YTHDC2: variants seen among roughly 807,000 people sequenced by gnomAD.
YTHDC2 encodes 3'-5' RNA helicase YTHDC2.
In YTHDC2, 45 loss-of-function variants were observed where a neutral mutation model predicts 174.9. The ratio of observed to expected loss-of-function variants is 0.26; its 90% CI spans 0.20 to 0.33. YTHDC2 has a LOEUF of 0.33. Among genes scored for constraint, YTHDC2 ranks in the 10% least tolerant of loss-of-function variants. The pLI is 1.00. For missense variants in YTHDC2, 1,650 were observed against 1,723.7 expected (o/e 0.96, Z 0.76); for synonymous variants, 657 against 574.5 (o/e 1.14, Z -2.05).
intron 2 of YTHDC2, among the ~76,000 whole-genome samples, chr5:113,518,790 T>A (rs953485053): frequency 6.6e-6 from 1 of 152,190 alleles, no homozygotes; most frequent in Non-Finnish European, 1.5e-5. Context: ...TTCTGGTCAA[T>A]TTTTTCTTTT....
At chr5:113,531,544 A>T (rs900525939) in intron 4 of YTHDC2, among the ~76,000 whole-genome samples, 5 of 152,056 alleles carry the variant, frequency 3.3e-5, no homozygotes, top group African/African-American at 1.2e-4. Flanking sequence ...CTCTGTGTCT[A>T]CGAGCTCAGC....
Position 113,565,810 on chromosome 5 carries a change from T to A in YTHDC2, c.2716-83T>A, listed in dbSNP as rs868397510. On this transcript the variant is annotated intron_variant, in intron 20 of 29. Transcript: ENST00000161863. ...AGGCAAATTCACGTCGAGGAATTCGTGTAGTGATTTGTAGTTACTTGTTGC... is the reference window on the plus strand; with the variant it reads ...AGGCAAATTCACGTCGAGGAATTCGAGTAGTGATTTGTAGTTACTTGTTGC... The A allele has an allele frequency of 8.0e-6, 11 of 1,382,352 alleles. No homozygotes were observed. The Middle Eastern group carries it at 1.5e-3, about 189-fold the overall frequency. The allele number at this position is 1,382,352 out of a possible 1,614,324, so 85.6% of individuals were successfully genotyped here.
At chr5:113,564,164 T>C in intron 20 of YTHDC2, 33 bp downstream of exon 20, 2 of 1,556,114 alleles carry the variant, frequency 1.3e-6, no homozygotes, top group Non-Finnish European at 1.7e-6. Flanking sequence ...TCTGAAGACG[T>C]TGCTGGGTAA....
In YTHDC2 at chr5:113,542,518, A is replaced by G; in HGVS notation, c.1495+15A>G. The G allele has an allele frequency of 1.3e-6, 2 of 1,583,718 alleles. No individual in the cohort carries two copies. The highest frequency in any genetic ancestry group is 1.7e-6 in the Non-Finnish European group (2 of 1,166,876). On this transcript the variant is annotated intron_variant, in intron 10 of 29. Coordinates refer to ENST00000161863, the MANE Select transcript of YTHDC2 (RefSeq NM_022828.5). ...AAATGTTAGTGGTAAGTTTATTTTA[A>G]TTTTAAAAAATTACCCTTACAGTTA...
At chr5:113,537,029 T>G (rs954784018) in intron 7 of YTHDC2, among the ~76,000 whole-genome samples, 2 of 152,236 alleles carry the variant, frequency 1.3e-5, no homozygotes, top group Non-Finnish European at 1.5e-5. Flanking sequence ...TTTTGGATAT[T>G]CAAGTTGGTT....
Position 113,548,832 on chromosome 5 carries a change from A to G in YTHDC2, c.1623-123A>G, listed in dbSNP as rs1485860897. 2.4e-5 allele frequency: 28 copies of G among 1,147,966 alleles called. No homozygotes were observed. In the Admixed American group the frequency reaches 9.3e-4, roughly 38 times the overall value. 71.1% of individuals were successfully genotyped at this position (1,147,966 alleles called of 1,614,324 possible). On this transcript the variant is annotated intron_variant, in intron 11 of 29. Transcript: ENST00000161863. ...TTTGAATGACTTGTTTTTTAACTAT[A>G]ATTTATCTTATTTTTTATTTAAAAA...
intron 18 of YTHDC2, among the ~76,000 whole-genome samples, chr5:113,562,784 T>G (rs1777079106): frequency 6.6e-6 from 1 of 152,218 alleles, no homozygotes; most frequent in South Asian, 2.1e-4. Flanking sequence ...TCCCATGGTC[T>G]CCCTCTCCCA....
rs1411677720 is a variant in YTHDC2 at position 113,567,265 on chromosome 5, G to T, written c.3016G>T (p.Ala1006Ser). Residue 1006 changes from alanine (A) to serine (S), a missense_variant, in exon 22 of 30, where the codon GCT becomes TCT. Physicochemically the swap from Ala to Ser is moderately conservative, Grantham distance 99. Around this residue, in one of 5 missense-constraint regions of YTHDC2, gnomAD observed 913 missense variants for 940.4 expected, o/e 0.97. Coordinates refer to ENST00000161863, the MANE Select transcript of YTHDC2 (RefSeq NM_022828.5). ...PKEKKVRFHP[A>S]SVLSQPQYKK... is the part of the protein sequence containing the mutation. Reference sequence around the variant, plus strand: ...GGAGAAAAAAGTACGATTTCATCCTGCTTCAGTTCTCAGTCAGCCTCAATA... The same window carrying T: ...GGAGAAAAAAGTACGATTTCATCCTTCTTCAGTTCTCAGTCAGCCTCAATA... 2 of 1,612,460 alleles carry T rather than the reference G, an allele frequency of 1.2e-6. No individual in the cohort carries two copies. Among genetic ancestry groups the T allele is most frequent in the South Asian group, 2.2e-5 (2 of 90,738 alleles).
chr5:113,531,787 A>G (rs1267426110), intron 4 of YTHDC2, among the ~76,000 whole-genome samples: 1 of 152,126 alleles, frequency 6.6e-6, no homozygotes, highest in Non-Finnish European at 1.5e-5. Flanking sequence ...AAACAGTTAT[A>G]TTTTTTAACT....
rs777402583 is a variant in YTHDC2 at position 113,566,030 on chromosome 5, T to C, written c.2842+11T>C. ...AACTTAGAGCATCAGGTAAAGTTTT[T>C]CCCTCAAAGAGCCTATTTAAGTTAC... On this transcript the variant is annotated intron_variant, in intron 21 of 29. Coordinates refer to ENST00000161863, the MANE Select transcript of YTHDC2 (RefSeq NM_022828.5). 1 of 1,595,324 alleles carries C rather than the reference T, an allele frequency of 6.3e-7. No homozygotes were observed. The highest frequency in any genetic ancestry group is 2.3e-5 in the East Asian group (1 of 44,252).
Position 113,528,642 on chromosome 5 carries a change from A to G in YTHDC2, c.675+1857A>G, listed in dbSNP as rs112414274. Among the ~76,000 whole-genome samples the G allele has an allele frequency of 2.9e-3, 447 of 152,108 alleles. 3 individuals are homozygous for G. The highest frequency in any genetic ancestry group is 0.01 in the African/African-American group (418 of 41,508). ...TCCTCCCTCTGCCTCCCAAGTAGCTAGGACTATAGGTGCATGCCACTATGC... is the reference window on the plus strand; with the variant it reads ...TCCTCCCTCTGCCTCCCAAGTAGCTGGGACTATAGGTGCATGCCACTATGC... On this transcript the variant is annotated intron_variant, in intron 4 of 29. Transcript: ENST00000161863.
intron 23 of YTHDC2, among the ~76,000 whole-genome samples, chr5:113,572,023 T>C (rs998101006): frequency 2.0e-5 from 3 of 152,150 alleles, no homozygotes; most frequent in Non-Finnish European, 2.9e-5. Flanking sequence ...CTTGGGTTTG[T>C]TTTCTCTTTG....
chr5:113,548,468 G>A (rs1411895309), intron 10 of YTHDC2, 73 bp from the exon 11 acceptor site: 3 of 1,446,566 alleles, frequency 2.1e-6, no homozygotes, highest in Admixed American at 2.4e-5. Context: ...TGCTATTTCA[G>A]ATTTTTTAAA....
At chr5:113,526,246 T>C (rs1774229329) in intron 3 of YTHDC2, among the ~76,000 whole-genome samples, 1 of 152,132 alleles carries the variant, frequency 6.6e-6, no homozygotes, top group African/African-American at 2.4e-5. Flanking sequence ...AAAAATCATC[T>C]AGATTATCAA....
chr5:113,556,228 A>G (rs1776599677), intron 17 of YTHDC2, 94 bp downstream of exon 17: 3 of 585,198 alleles, frequency 5.1e-6, no homozygotes, highest in Non-Finnish European at 8.5e-6. Flanking sequence ...CATGTTCAAT[A>G]AAATAGTAGT....
intron 12 of YTHDC2, among the ~76,000 whole-genome samples, chr5:113,552,932 A>C (rs1776344817): frequency 6.6e-6 from 1 of 152,036 alleles, no homozygotes. Context: ...ACATCTTTTC[A>C]TGTGCTTATA....
intron 24 of YTHDC2, 26 bp downstream of exon 24, chr5:113,579,721 A>G (rs576061587): frequency 1.3e-6 from 2 of 1,571,356 alleles, no homozygotes; most frequent in Non-Finnish European, 1.7e-6. Flanking sequence ...GTAGTGTAAT[A>G]AATTTCTTTC....
chr5:113,580,050 A>G lies in YTHDC2; in HGVS notation c.3354+355A>G, dbSNP rs1778304549. 1.3e-5 allele frequency: 6 copies of G among 464,810 alleles called. No individual in the cohort carries two copies. The South Asian group carries it at 3.7e-4, about 28-fold the overall frequency. The allele number at this position is 464,810 out of a possible 1,614,324, so 28.8% of individuals were successfully genotyped here. On this transcript the variant is annotated intron_variant, in intron 24 of 29. Transcript: ENST00000161863. Reference sequence around the variant, plus strand: ...TGAGGGCTGCTGGACCCTGCCTCCTATAGAGTGGAGGAATACTGTGTCCTC... The same window carrying G: ...TGAGGGCTGCTGGACCCTGCCTCCTGTAGAGTGGAGGAATACTGTGTCCTC...
Position 113,515,148 on chromosome 5 carries a change from C to T in YTHDC2, c.188-124C>T, listed in dbSNP as rs1773316773. On this transcript the variant is annotated intron_variant, in intron 1 of 29. Coordinates refer to ENST00000161863, the MANE Select transcript of YTHDC2 (RefSeq NM_022828.5). Reference sequence around the variant, plus strand: ...AATAGAATATGAAATATAAAGTTAACCTCAAATAAAGTATAATAAATTTGA... The same window carrying T: ...AATAGAATATGAAATATAAAGTTAATCTCAAATAAAGTATAATAAATTTGA... The T allele has an allele frequency of 9.2e-6, 5 of 544,442 alleles. No individual in the cohort carries two copies. In the Admixed American group the frequency reaches 1.4e-4, roughly 15 times the overall value. The allele number at this position is 544,442 out of a possible 1,614,324, so 33.7% of individuals were successfully genotyped here. A position where few individuals can be genotyped will look rare whatever the true frequency, so the allele number is the denominator to read the frequency against.
Sources: gnomAD v4.1 joint callset for allele counts (sites outside exome capture counted in the v4.1 genomes callset) on GRCh38, gnomAD v4.1.1 for gene constraint, gnomAD v4.1.1 regional missense constraint, MANE v1.5 for transcripts, NCBI Gene and HGNC (gene_info 2026-07-23, HGNC 2026-07-21) for gene names.